SPINT2: variants seen among roughly 807,000 people sequenced by gnomAD.
The protein encoded by SPINT2 is kunitz-type protease inhibitor 2.
Under a neutral mutation model 30.1 loss-of-function variants are expected in SPINT2, and 18 were observed. The observed-to-expected ratio is 0.60, with a 90% CI of 0.41 to 0.89. The LOEUF is 0.89. Among genes scored for constraint, SPINT2 ranks in the 40% least tolerant of loss-of-function variants. The pLI is 0.00. For missense variants in SPINT2, 276 were observed against 334.3 expected (o/e 0.83, Z 1.36); for synonymous variants, 139 against 137.9 (o/e 1.01, Z -0.05).
At chr19:38,281,709 C>CAA (rs879535887) in intron 1 of SPINT2, among the ~76,000 whole-genome samples, 1 of 141,552 alleles carries the variant, frequency 7.1e-6, no homozygotes, top group East Asian at 2.0e-4. Context: ...AACTCTGTCT[C>CAA]AAAAAAAAAA....
chr19:38,290,857 G>C lies in SPINT2; in HGVS notation c.592+282G>C. On this transcript the variant is annotated intron_variant, in intron 6 of 6. Coordinates refer to ENST00000301244, the MANE Select transcript of SPINT2 (RefSeq NM_021102.4). The surrounding 1 kb of genome is among the most constrained non-coding windows in gnomAD (Gnocchi z 4.3). The stretch of plus-strand genomic sequence containing the variant: ...TGAGCATTTGAGGACTGCTGCACAC[G>C]GGCCTGAGGCTGGCCTGAGGTGTGG... 1.9e-6 allele frequency: 1 copy of C among 537,658 alleles called. No homozygotes were observed. Among genetic ancestry groups the C allele is most frequent in the Non-Finnish European group, 3.4e-6 (1 of 295,060 alleles). The allele number at this position is 537,658 out of a possible 1,614,324, so 33.3% of individuals were successfully genotyped here.
At chr19:38,276,862 G>A (rs1291507461) in intron 1 of SPINT2, among the ~76,000 whole-genome samples, 2 of 151,872 alleles carry the variant, frequency 1.3e-5, no homozygotes, top group African/African-American at 2.4e-5. Flanking sequence ...GTGCAGTGGC[G>A]TGATCTCGGC....
intron 1 of SPINT2, among the ~76,000 whole-genome samples, chr19:38,277,351 C>G (rs1260280348): frequency 6.6e-6 from 1 of 151,932 alleles, no homozygotes; most frequent in Non-Finnish European, 1.5e-5. Context: ...TACAGGTGAT[C>G]CTCCTACCTT....
At chr19:38,273,405 T>C (rs1968479111) in intron 1 of SPINT2, among the ~76,000 whole-genome samples, 3 of 151,936 alleles carry the variant, frequency 2.0e-5, no homozygotes, top group Admixed American at 1.3e-4. Context: ...CCTCCTGTCA[T>C]TCAGTACCTG....
At chr19:38,284,306 G>A (rs1393147377) in intron 2 of SPINT2, among the ~76,000 whole-genome samples, 1 of 151,948 alleles carries the variant, frequency 6.6e-6, no homozygotes, top group Non-Finnish European at 1.5e-5. Flanking sequence ...TGTTACCCAG[G>A]CTGGTCTTGG....
chr19:38,283,929 C>T (rs1968612350), intron 2 of SPINT2, 132 bp downstream of exon 2: 2 of 1,091,608 alleles, frequency 1.8e-6, no homozygotes, highest in East Asian at 2.6e-5. Context: ...GCAAGCTCCG[C>T]CTCCCGGGTT....
chr19:38,279,854 A>G (rs1394399676), intron 1 of SPINT2, among the ~76,000 whole-genome samples: 1 of 152,066 alleles, frequency 6.6e-6, no homozygotes, highest in Non-Finnish European at 1.5e-5. Flanking sequence ...GGGTTTCGCC[A>G]TGTTGGCCAG....
At chr19:38,267,286 C>T (rs549383324) in intron 1 of SPINT2, among the ~76,000 whole-genome samples, 40 of 152,054 alleles carry the variant, frequency 2.6e-4, no homozygotes, top group Non-Finnish European at 5.1e-4. Context: ...TTTTTTTCCT[C>T]GCTCCTTCCT....
At chr19:38,269,304 G>A in intron 1 of SPINT2, among the ~76,000 whole-genome samples, 1 of 150,478 alleles carries the variant, frequency 6.6e-6, no homozygotes, top group Non-Finnish European at 1.5e-5. Context: ...TCACCACCGT[G>A]TTAGCCAGGA....
intron 1 of SPINT2, among the ~76,000 whole-genome samples, chr19:38,268,420 C>CT (rs1486548163): frequency 6.6e-6 from 1 of 152,174 alleles, no homozygotes; most frequent in Non-Finnish European, 1.5e-5. Context: ...GTGACTTGTA[C>CT]TTTTTCCAGA....
At chr19:38,288,876 C>T in intron 3 of SPINT2, 2 of 503,654 alleles carry the variant, frequency 4.0e-6, no homozygotes, top group Non-Finnish European at 7.2e-6. Flanking sequence ...ACCGTGTTCC[C>T]TATAATATTA....
chr19:38,277,645 A>G (rs1419850597), intron 1 of SPINT2, among the ~76,000 whole-genome samples: 1 of 152,180 alleles, frequency 6.6e-6, no homozygotes, highest in Non-Finnish European at 1.5e-5. Flanking sequence ...TGTCTTGGTT[A>G]AAGCTCTAGT....
intron 2 of SPINT2, 92 bp from the exon 3 acceptor site, chr19:38,287,784 T>C: frequency 7.4e-7 from 1 of 1,354,620 alleles, no homozygotes; most frequent in Non-Finnish European, 1.1e-6. Context: ...AAGTGGATGC[T>C]GTGGTGAGAG....
chr19:38,283,456 A>G (rs1968603559), intron 1 of SPINT2, among the ~76,000 whole-genome samples, 171 bp from the exon 2 acceptor site: 1 of 152,206 alleles, frequency 6.6e-6, no homozygotes, highest in South Asian at 2.1e-4. Context: ...TATACAAGGA[A>G]GGAAGCACTG....
intron 1 of SPINT2, among the ~76,000 whole-genome samples, chr19:38,272,882 G>T (rs1968473333): frequency 6.6e-6 from 1 of 152,018 alleles, no homozygotes; most frequent in Non-Finnish European, 1.5e-5. Context: ...ACCACGCCCG[G>T]CTCATTTTTT....
At chr19:38,279,725 C>T (rs918177214) in intron 1 of SPINT2, among the ~76,000 whole-genome samples, 5 of 152,184 alleles carry the variant, frequency 3.3e-5, no homozygotes, top group South Asian at 4.1e-4. Context: ...AAGATCTTGG[C>T]TCACTGCAAC....
intron 1 of SPINT2, among the ~76,000 whole-genome samples, chr19:38,270,010 G>A (rs1314677301): frequency 7.9e-5 from 12 of 152,122 alleles, no homozygotes; most frequent in Admixed American, 7.9e-4. Flanking sequence ...ACAGGCTCGA[G>A]CCACGTGGCC....
intron 1 of SPINT2, among the ~76,000 whole-genome samples, chr19:38,277,613 G>A (rs925631935): frequency 6.6e-6 from 1 of 152,194 alleles, no homozygotes; most frequent in Admixed American, 6.5e-5. Context: ...ACTGTAGATT[G>A]TTGTCTTAGT....
At chr19:38,286,750 T>C (rs1968646495) in intron 2 of SPINT2, among the ~76,000 whole-genome samples, 1 of 152,138 alleles carries the variant, frequency 6.6e-6, no homozygotes, top group Non-Finnish European at 1.5e-5. Context: ...GCCAGAGCAC[T>C]CCAGCCTGGG....
Sources: gnomAD v4.1 joint callset for allele counts (sites outside exome capture counted in the v4.1 genomes callset) on GRCh38, gnomAD v4.1.1 for gene constraint, Gnocchi (gnomAD v3.1) non-coding constraint, MANE v1.5 for transcripts, NCBI Gene and HGNC (gene_info 2026-07-23, HGNC 2026-07-21) for gene names.